Variants in KCNIP4 observed in about 807,000 individuals in gnomAD.
The protein encoded by KCNIP4 is potassium voltage-gated channel interacting protein 4, also known as Kv channel-interacting protein 4.
A neutral mutation model predicts 34.0 loss-of-function variants in KCNIP4; 12 were observed. The observed-to-expected ratio is 0.35, with a 90% CI of 0.23 to 0.57. The LOEUF is 0.57. Ranked by LOEUF, KCNIP4 falls within the 20% of genes least tolerant of loss-of-function variation. The probability of loss-of-function intolerance (pLI) is 0.83; values close to 1 mark genes in which losing one functional copy is unlikely to be tolerated. For synonymous variants in KCNIP4, 124 were observed against 102.2 expected, an observed-to-expected ratio of 1.21 and a Z score of -1.29; for missense variants, 238 against 311.7, an observed-to-expected ratio of 0.76 and a Z score of 1.78.
At chr4:21,307,757 C>CT (rs11394811) in intron 1 of KCNIP4, among the ~76,000 whole-genome samples, 13,594 of 151,550 alleles carry the variant, frequency 0.09, 704 homozygotes, top group African/African-American at 0.14. Flanking sequence ...GATTTCCATA[C>CT]TTTTTTTTTA....
At chr4:21,750,773 G>A (rs116310373) in intron 1 of KCNIP4, among the ~76,000 whole-genome samples, 213 of 152,196 alleles carry the variant, frequency 1.4e-3, no homozygotes, top group African/African-American at 4.2e-3. Context: ...TCGCGGAGAA[G>A]CTGTGGGCTG....
At chr4:20,821,142 G>A (rs1417128707) in intron 3 of KCNIP4, among the ~76,000 whole-genome samples, 3 of 152,168 alleles carry the variant, frequency 2.0e-5, no homozygotes, top group South Asian at 2.1e-4. Context: ...AGCCATGGAC[G>A]GGTCTTCCCT....
At chr4:21,820,954 T>A (rs1384472177) in intron 1 of KCNIP4, among the ~76,000 whole-genome samples, 1 of 152,132 alleles carries the variant, frequency 6.6e-6, no homozygotes, top group East Asian at 1.9e-4. Context: ...TTATCACTGA[T>A]AACTATCAGG....
chr4:21,913,147 A>G (rs1246277919), intron 1 of KCNIP4, among the ~76,000 whole-genome samples: 2 of 152,070 alleles, frequency 1.3e-5, no homozygotes, highest in Admixed American at 6.5e-5. Context: ...TTGTTAGGCC[A>G]TAAGAATGCT....
At chr4:21,489,252 C>T (rs28608541) in intron 1 of KCNIP4, among the ~76,000 whole-genome samples, 5,284 of 145,424 alleles carry the variant, frequency 0.036, 296 homozygotes, top group African/African-American at 0.13. Context: ...ACTTTTGTAT[C>T]GAGTAAAAGA....
intron 1 of KCNIP4, among the ~76,000 whole-genome samples, chr4:21,207,015 A>T (rs1756898627): frequency 6.6e-6 from 1 of 152,210 alleles, no homozygotes; most frequent in Non-Finnish European, 1.5e-5. Flanking sequence ...TGTCTTTGAT[A>T]GCCCATTGCA....
At chr4:21,255,969 C>A (rs1034078666) in intron 1 of KCNIP4, among the ~76,000 whole-genome samples, 4 of 152,098 alleles carry the variant, frequency 2.6e-5, no homozygotes, top group Admixed American at 1.3e-4. Flanking sequence ...CTGAATAAAT[C>A]ACTGCCCTTG....
intron 1 of KCNIP4, among the ~76,000 whole-genome samples, chr4:21,389,244 G>T (rs547335487): frequency 6.6e-6 from 1 of 151,942 alleles, no homozygotes; most frequent in African/African-American, 2.4e-5. Flanking sequence ...GTCTCCCAAA[G>T]TGCCGGGATT....
At chr4:21,283,369 G>A (rs1448112265) in intron 1 of KCNIP4, among the ~76,000 whole-genome samples, 2 of 151,820 alleles carry the variant, frequency 1.3e-5, no homozygotes, top group Non-Finnish European at 2.9e-5. Context: ...CCAGCTAGGT[G>A]GACAATCAAC....
intron 1 of KCNIP4, among the ~76,000 whole-genome samples, chr4:21,445,070 A>G (rs1477417436): frequency 7.2e-5 from 11 of 152,338 alleles, no homozygotes; most frequent in Non-Finnish European, 1.3e-4. Flanking sequence ...CTTACAAGGG[A>G]TGTGAAGGAC....
chr4:20,846,163 A>T (rs1052224907), intron 3 of KCNIP4, among the ~76,000 whole-genome samples: 7 of 152,232 alleles, frequency 4.6e-5, no homozygotes, highest in African/African-American at 1.4e-4. Flanking sequence ...ATTTTAATGG[A>T]TAATTTTACC....
At chr4:20,864,736 C>T (rs1361144967) in intron 2 of KCNIP4, among the ~76,000 whole-genome samples, 1 of 152,008 alleles carries the variant, frequency 6.6e-6, no homozygotes, top group Non-Finnish European at 1.5e-5. Context: ...GAGTCCAGCC[C>T]CTTAACTTTG....
chr4:21,213,295 TATTG>T (rs1426342603), intron 1 of KCNIP4, among the ~76,000 whole-genome samples: 1 of 152,062 alleles, frequency 6.6e-6, no homozygotes, highest in African/African-American at 2.4e-5. Flanking sequence ...ATTTTTATTT[TATTG>T]ATTGATTGAT....
At chr4:21,915,942 GAGACATTTCCCCATTAGACTGCTGCCCAC>G (rs1439991160) in intron 1 of KCNIP4, among the ~76,000 whole-genome samples, 4 of 152,306 alleles carry the variant, frequency 2.6e-5, no homozygotes, top group African/African-American at 9.6e-5. Context: ...GCTTGCTGCT[GAGACATTTCCCCATTAGACTGCTGCCCAC>G]AGCACCAGCT....
At chr4:21,319,454 C>T (rs1714145502) in intron 1 of KCNIP4, among the ~76,000 whole-genome samples, 1 of 152,168 alleles carries the variant, frequency 6.6e-6, no homozygotes, top group South Asian at 2.1e-4. Context: ...TCTCAATTAC[C>T]CAGAATCTTT....
chr4:21,326,079 G>A (rs1715007142), intron 1 of KCNIP4, among the ~76,000 whole-genome samples: 1 of 151,818 alleles, frequency 6.6e-6, no homozygotes, highest in Non-Finnish European at 1.5e-5. Context: ...AGCTGGTAGA[G>A]ATAATGTTCT....
intron 1 of KCNIP4, among the ~76,000 whole-genome samples, chr4:21,218,490 G>A (rs948446047): frequency 6.6e-6 from 1 of 151,920 alleles, no homozygotes; most frequent in Non-Finnish European, 1.5e-5. Context: ...GCATATTAGA[G>A]GGCATTCAAT....
At chr4:20,776,586 T>C (rs1756390477) in intron 3 of KCNIP4, among the ~76,000 whole-genome samples, 1 of 152,236 alleles carries the variant, frequency 6.6e-6, no homozygotes, top group South Asian at 2.1e-4. Flanking sequence ...TTATTAATTG[T>C]TTCTAGTTAG....
In KCNIP4 at chr4:21,556,930, A is replaced by AAAAAAAAAAAAAAAAAAAAAAAAAAAC. The variant is rs1553903108; in HGVS notation, c.61+391640_61+391641insGTTTTTTTTTTTTTTTTTTTTTTTTTT. On this transcript the variant is annotated intron_variant, in intron 1 of 8. Transcript: ENST00000382152. Reference sequence around the variant, plus strand: ...AGCAAGACTCCATCTCAGAAAAAAAAAAAAAAAAAAAAACCAGAAAACAAA... The same window carrying AAAAAAAAAAAAAAAAAAAAAAAAAAAC: ...AGCAAGACTCCATCTCAGAAAAAAAAAAAAAAAAAAAAAAAAAAAAAAAAAACAAAAAAAAAAAAACCAGAAAACAAA... Among the ~76,000 whole-genome samples, 76 of 108,188 alleles carry AAAAAAAAAAAAAAAAAAAAAAAAAAAC rather than the reference A, an allele frequency of 7.0e-4. 5 individuals carry two copies. The highest frequency in any genetic ancestry group is 2.9e-3 in the East Asian group (9 of 3,092). The allele number at this position is 108,188 out of a possible 152,430, so 71.0% of individuals were successfully genotyped here.
Sources: gnomAD v4.1 joint callset for allele counts (sites outside exome capture counted in the v4.1 genomes callset) on GRCh38, gnomAD v4.1.1 for gene constraint, MANE v1.5 for transcripts, NCBI Gene and HGNC (gene_info 2026-07-23, HGNC 2026-07-21) for gene names.